C18orf54: variants seen among roughly 807,000 people sequenced by gnomAD.
C18orf54 encodes lung adenoma susceptibility protein 2.
A neutral mutation model predicts 49.3 loss-of-function variants in C18orf54; 49 were observed. The observed-to-expected ratio is 0.99, with a 90% CI of 0.79 to 1.26. The LOEUF is 1.26. Ranked by LOEUF, C18orf54 falls within the 50% of genes most tolerant of loss-of-function variation. The pLI, the probability that C18orf54 is intolerant of heterozygous loss-of-function variation, is 0.00. For missense variants in C18orf54, 687 were observed against 620.6 expected, an observed-to-expected ratio of 1.11 and a Z score of -1.14; for synonymous variants, 211 against 216.6, an observed-to-expected ratio of 0.97 and a Z score of 0.23.
At chr18:54,373,010 T>C (rs1201867055) in intron 7 of C18orf54, among the ~76,000 whole-genome samples, 1 of 151,912 alleles carries the variant, frequency 6.6e-6, no homozygotes, top group Non-Finnish European at 1.5e-5. Flanking sequence ...AATTTAATTT[T>C]GTTACTGTGT....
Position 54,362,369 on chromosome 18 carries a change from A to G in C18orf54, c.1010A>G (p.Glu337Gly). 1 of 1,535,400 alleles carries G rather than the reference A, an allele frequency of 6.5e-7. No homozygotes were observed. The highest frequency in any genetic ancestry group is 8.7e-7 in the Non-Finnish European group (1 of 1,146,468). ...GTTAATGAATACAAATGTGATTTTG[A>G]ACATAGCCAGTGTCAATGTGAGAAT... ...ELVNEYKCDF[E>G]HSQCQCENPL... The change falls in exon 4 of 9, where the codon GAA becomes GGA. Residue 337 changes from glutamate (E) to glycine (G), a missense_variant. Physicochemically the swap from Glu to Gly is moderately conservative, Grantham distance 98. Transcript: ENST00000620105.
At chr18:54,371,820 A>C (rs1226225799) in intron 6 of C18orf54, among the ~76,000 whole-genome samples, 1 of 152,122 alleles carries the variant, frequency 6.6e-6, no homozygotes, top group East Asian at 1.9e-4. Flanking sequence ...TAGGACACAG[A>C]AACTCATTTG....
intron 5 of C18orf54, chr18:54,363,859 C>T (rs2144726319): frequency 6.6e-6 from 1 of 151,662 alleles, no homozygotes; most frequent in Non-Finnish European, 1.5e-5. Context: ...AGAATGTAGG[C>T]ATTGACTATA....
intron 5 of C18orf54, among the ~76,000 whole-genome samples, chr18:54,364,572 G>A (rs1007732872): frequency 4.6e-5 from 7 of 152,042 alleles, no homozygotes; most frequent in Non-Finnish European, 7.4e-5. Flanking sequence ...TGAATAGGAA[G>A]TACTCAAGGT....
chr18:54,365,037 C>G (rs1286162210), intron 5 of C18orf54, among the ~76,000 whole-genome samples: 1 of 151,804 alleles, frequency 6.6e-6, no homozygotes, highest in African/African-American at 2.4e-5. Flanking sequence ...TTCTACTACC[C>G]CGTGAATATC....
chr18:54,372,606 A>C lies in C18orf54; in HGVS notation c.1458+9A>C, dbSNP rs1320441753. On this transcript the variant is annotated intron_variant, in intron 7 of 8. Transcript: ENST00000620105. ...AAGAAGAGATTAAACAAGTAAGCAC[A>C]AACATGATTTATGAATTGAGATTTG... is the stretch of plus-strand genomic sequence containing the variant. 3.8e-6 allele frequency: 6 copies of C among 1,564,446 alleles called. No individual in the cohort carries two copies. Among genetic ancestry groups the C allele is most frequent in the Non-Finnish European group, 5.2e-6 (6 of 1,154,690 alleles).
chr18:54,361,950 T>C lies in C18orf54; in HGVS notation c.591T>C (p.Gly197=), dbSNP rs1798877867. Residue 197 remains glycine (G), a synonymous_variant, in exon 4 of 9, where the codon GGT becomes GGC. Coordinates refer to ENST00000620105, the MANE Select transcript of C18orf54 (RefSeq NM_001288980.2). ...CAAATATAAATGGAAAGCAATGTGG[T>C]AGGCTGAAAAACCCAAAACTTATGA... ...IRSNINGKQC[G]RLKNPKLMNR... 1.9e-6 allele frequency: 3 copies of C among 1,614,106 alleles called. No individual in the cohort carries two copies. The highest frequency in any genetic ancestry group is 2.5e-6 in the Non-Finnish European group (3 of 1,179,998).
At position 54,380,390 on chromosome 18, in the gene C18orf54, A is replaced by C. The variant is rs1599359015; in HGVS notation, c.*2144A>C. On this transcript the variant is annotated 3_prime_UTR_variant, in exon 9 of 9. Transcript: ENST00000620105. Reference sequence around the variant, plus strand: ...ATTGAGAAAATGTTAAATAGAAAAAATTAAGAAATTTTAATAAGATGTTTC... The same window carrying C: ...ATTGAGAAAATGTTAAATAGAAAAACTTAAGAAATTTTAATAAGATGTTTC... The C allele has an allele frequency of 6.6e-6, 1 of 152,078 alleles. No homozygotes were observed. Among genetic ancestry groups the C allele is most frequent in the South Asian group, 2.1e-4 (1 of 4,820 alleles). The allele number at this position is 152,078 out of a possible 1,614,324, so 9.4% of individuals were successfully genotyped here. A position where few individuals can be genotyped will look rare whatever the true frequency, so the allele number is the denominator to read the frequency against.
At position 54,378,367 on chromosome 18, in the gene C18orf54, A is replaced by G. The variant is rs2089611912; in HGVS notation, c.*121A>G. On this transcript the variant is annotated 3_prime_UTR_variant, in exon 9 of 9. Transcript: ENST00000620105. ...ACATTATTTTGTGGTTGGTTCAAGG[A>G]TTATATATTTCTAAAACACTAAACT... 4 of 830,192 alleles carry G rather than the reference A, an allele frequency of 4.8e-6. No homozygotes were observed. Among genetic ancestry groups the G allele is most frequent in the Non-Finnish European group, 7.3e-6 (4 of 547,962 alleles). The allele number at this position is 830,192 out of a possible 1,614,324, so 51.4% of individuals were successfully genotyped here. A position where few individuals can be genotyped will look rare whatever the true frequency, so the allele number is the denominator to read the frequency against.
intron 7 of C18orf54, among the ~76,000 whole-genome samples, chr18:54,372,920 C>T (rs1366558521): frequency 1.3e-5 from 2 of 151,680 alleles, no homozygotes; most frequent in African/African-American, 4.8e-5. Context: ...TCTATGTGGC[C>T]CATCTTCTGG....
rs1371844987 is a variant in C18orf54, at chr18:54,378,255, A to G, written c.*9A>G. ...GGTCACCGAAAATGTGAAGAGGAAAATGAAACTGTCACCACAATGAATAGT... is the reference window on the plus strand; with the variant it reads ...GGTCACCGAAAATGTGAAGAGGAAAGTGAAACTGTCACCACAATGAATAGT... On this transcript the variant is annotated 3_prime_UTR_variant, in exon 9 of 9. Coordinates refer to ENST00000620105, the MANE Select transcript of C18orf54 (RefSeq NM_001288980.2). The G allele has an allele frequency of 6.2e-7, 1 of 1,610,494 alleles. No individual in the cohort carries two copies. The highest frequency in any genetic ancestry group is 8.5e-7 in the Non-Finnish European group (1 of 1,177,076).
intron 7 of C18orf54, among the ~76,000 whole-genome samples, chr18:54,373,512 A>G (rs1227567926): frequency 6.6e-6 from 1 of 151,816 alleles, no homozygotes; most frequent in Non-Finnish European, 1.5e-5. Context: ...TCGCCTAACT[A>G]AAATGTTGTA....
chr18:54,360,512 G>GT lies in C18orf54; in HGVS notation c.-46-10dup. On this transcript the variant is annotated splice_polypyrimidine_tract_variant and intron_variant, in intron 2 of 8. Transcript: ENST00000620105. The stretch of plus-strand genomic sequence containing the variant: ...CTTTTAATTGGCATCTTAACATTTC[G>GT]TTTTTGTATTACAGTTGTTTTTAAG... 1 of 1,540,182 alleles carries GT rather than the reference G, an allele frequency of 6.5e-7. No individual in the cohort carries two copies. The highest frequency in any genetic ancestry group is 1.2e-5 in the South Asian group (1 of 83,142).
intron 3 of C18orf54, among the ~76,000 whole-genome samples, 160 bp downstream of exon 3, chr18:54,361,015 C>T (rs960763600): frequency 1.3e-5 from 2 of 152,234 alleles, no homozygotes; most frequent in South Asian, 2.1e-4. Context: ...ATATAATTCT[C>T]TGTGGAACAG....
chr18:54,373,724 T>C (rs1403229909), intron 7 of C18orf54, among the ~76,000 whole-genome samples: 1 of 151,822 alleles, frequency 6.6e-6, no homozygotes, highest in African/African-American at 2.4e-5. Flanking sequence ...TGGTAAGTGC[T>C]CAATAAATGA....
chr18:54,373,864 T>G (rs2144750469), intron 7 of C18orf54, among the ~76,000 whole-genome samples: 1 of 151,984 alleles, frequency 6.6e-6, no homozygotes, highest in Admixed American at 6.6e-5. Flanking sequence ...TGTCCTTACA[T>G]TCTAATAATC....
At chr18:54,363,052 GC>G (rs1430361988) in intron 5 of C18orf54, 131 bp downstream of exon 5, 4 of 864,194 alleles carry the variant, frequency 4.6e-6, no homozygotes, top group African/African-American at 1.7e-5. Context: ...TGTGTTACTT[GC>G]TTTAAATTGC....
At chr18:54,375,875 T>C (rs1195142141) in intron 8 of C18orf54, among the ~76,000 whole-genome samples, 1 of 113,802 alleles carries the variant, frequency 8.8e-6, no homozygotes, top group Non-Finnish European at 1.8e-5. Context: ...GTAAGACGTT[T>C]GTACTGTAAT....
At position 54,362,313 on chromosome 18, in the gene C18orf54, T is replaced by C. The variant is rs1599327310; in HGVS notation, c.954T>C (p.Phe318=). The C allele has an allele frequency of 6.5e-7, 1 of 1,536,234 alleles. No homozygotes were observed. Among genetic ancestry groups the C allele is most frequent in the East Asian group, 2.4e-5 (1 of 40,910 alleles). The change falls in exon 4 of 9, where the codon TTT becomes TTC. Residue 318 remains phenylalanine, a synonymous_variant. Transcript: ENST00000620105. ...CFEYAFEPSN[F]SNSLSDDKEL... is the part of the protein sequence containing the mutation. ...AATATGCTTTTGAACCCTCAAACTTTTCAAATTCCTTGAGTGATGATAAAG... is the reference window on the plus strand; with the variant it reads ...AATATGCTTTTGAACCCTCAAACTTCTCAAATTCCTTGAGTGATGATAAAG...
Sources: gnomAD v4.1 joint callset for allele counts (sites outside exome capture counted in the v4.1 genomes callset) on GRCh38, gnomAD v4.1.1 for gene constraint, MANE v1.5 for transcripts, NCBI Gene and HGNC (gene_info 2026-07-23, HGNC 2026-07-21) for gene names.